MICAL2: variants seen among roughly 807,000 people sequenced by gnomAD.
The protein encoded by MICAL2 is [F-actin]-monooxygenase MICAL2.
Under a neutral mutation model 127.3 loss-of-function variants are expected in MICAL2, and 77 were observed. That is an observed-to-expected ratio of 0.60 (90% CI 0.50 to 0.73). MICAL2 has a LOEUF of 0.73. Ranked by LOEUF, MICAL2 falls within the 30% of genes least tolerant of loss-of-function variation. The pLI is 0.00. For missense variants in MICAL2, 1,351 were observed against 1,434.4 expected, an observed-to-expected ratio of 0.94 and a Z score of 0.94; for synonymous variants, 570 against 551.1, an observed-to-expected ratio of 1.03 and a Z score of -0.48.
chr11:12,354,120 T>G (rs965077297), intron 33 of MICAL2, among the ~76,000 whole-genome samples: 6 of 152,182 alleles, frequency 3.9e-5, no homozygotes, highest in Non-Finnish European at 1.5e-5. Context: ...TTGAGTTCAG[T>G]GTATCTCAGC....
intron 24 of MICAL2, among the ~76,000 whole-genome samples, chr11:12,269,202 A>G (rs1004195631): frequency 1.3e-5 from 2 of 152,118 alleles, no homozygotes; most frequent in African/African-American, 4.8e-5. Flanking sequence ...ACAGGAGGGA[A>G]TGACAGTGGG....
chr11:12,112,417 G>A (rs1478619442), intron 1 of MICAL2, among the ~76,000 whole-genome samples: 2 of 152,086 alleles, frequency 1.3e-5, no homozygotes, highest in Non-Finnish European at 2.9e-5. Flanking sequence ...GTGCTATTTT[G>A]GAAGGAAGCC....
At chr11:12,219,659 A>C (rs1210849656) in intron 8 of MICAL2, among the ~76,000 whole-genome samples, 1 of 152,088 alleles carries the variant, frequency 6.6e-6, no homozygotes, top group African/African-American at 2.4e-5. Flanking sequence ...TGACCACTAA[A>C]CATGGCATAT....
downstream of MICAL2, among the ~76,000 whole-genome samples, chr11:12,267,799 G>A (rs987241377): frequency 2.0e-5 from 3 of 152,062 alleles, no homozygotes; most frequent in African/African-American, 7.2e-5. Context: ...ACAGGGTTTT[G>A]CCAGGCTGTT....
chr11:12,270,838 C>G (rs916677226), intron 24 of MICAL2, among the ~76,000 whole-genome samples: 1 of 152,224 alleles, frequency 6.6e-6, no homozygotes, highest in Non-Finnish European at 1.5e-5. Context: ...TAGCAGCACA[C>G]AGGAGGCCTG....
intron 10 of MICAL2, 36 bp from the exon 11 acceptor site, chr11:12,222,581 A>G (rs775780583): frequency 5.6e-6 from 9 of 1,613,654 alleles, no homozygotes; most frequent in Non-Finnish European, 7.6e-6. Context: ...AGGTGGCAAA[A>G]GTGATCCCTG....
downstream of MICAL2, chr11:12,294,729 C>G: frequency 6.2e-7 from 1 of 1,613,832 alleles, no homozygotes; most frequent in Non-Finnish European, 8.5e-7. Context: ...AAGGTGCTGC[C>G]TGAAGATAGT....
chr11:12,199,257 G>A (rs1006723396), intron 3 of MICAL2, among the ~76,000 whole-genome samples: 2 of 152,104 alleles, frequency 1.3e-5, no homozygotes, highest in Non-Finnish European at 2.9e-5. Context: ...TAGTTGCAAG[G>A]ATGAAACACA....
intron 6 of MICAL2, among the ~76,000 whole-genome samples, chr11:12,210,387 C>A (rs759169676): frequency 1.3e-5 from 2 of 152,202 alleles, no homozygotes; most frequent in African/African-American, 4.8e-5. Flanking sequence ...AGCCTGCCCC[C>A]TCAAGAGCCA....
In MICAL2 at chr11:12,358,213, T is replaced by C. The variant is rs1172261841; in HGVS notation, c.5690-82T>C. 7.2e-6 allele frequency: 10 copies of C among 1,379,690 alleles called. No individual in the cohort carries two copies. In the East Asian group the frequency reaches 1.4e-4, roughly 19 times the overall value. The allele number at this position is 1,379,690 out of a possible 1,614,324, so 85.5% of individuals were successfully genotyped here. ...TAAAATTAAAGGCAGAACAAGTCCA[T>C]AACAATCGAGAATGTCCATGCCAAG... On this transcript the variant is annotated intron_variant, in intron 34 of 34. Transcript: ENST00000646065.
intron 24 of MICAL2, 36 bp from the exon 25 acceptor site, chr11:12,258,431 GA>G: frequency 6.4e-7 from 1 of 1,562,340 alleles, no homozygotes; most frequent in Non-Finnish European, 8.8e-7. Context: ...GTTTACAGGA[GA>G]AAAATTTTTC....
At chr11:12,146,014 G>A (rs920736181) in intron 2 of MICAL2, among the ~76,000 whole-genome samples, 1 of 152,196 alleles carries the variant, frequency 6.6e-6, no homozygotes, top group South Asian at 2.1e-4. Context: ...ATCGTGATGT[G>A]TAGAAAGCTG....
rs1265905645 is a variant in MICAL2 at position 12,168,874 on chromosome 11, G to C, written c.264+6455G>C. On this transcript the variant is annotated intron_variant, in intron 3 of 27. Coordinates refer to ENST00000683283, the MANE Select transcript of MICAL2 (RefSeq NM_001282663.2). ...AGGTGGGAGGATCGCTTGAGCCCAG[G>C]AGGTCAAGGCGGCAGTGAGCTATGA... is the stretch of plus-strand genomic sequence containing the variant. Among the ~76,000 whole-genome samples the C allele has an allele frequency of 5.4e-5, 8 of 149,286 alleles. No individual in the cohort carries two copies. The Admixed American group carries it at 5.4e-4, about 10-fold the overall frequency.
chr11:12,217,485 T>C (rs960151626), intron 8 of MICAL2, among the ~76,000 whole-genome samples: 1 of 152,146 alleles, frequency 6.6e-6, no homozygotes, highest in Non-Finnish European at 1.5e-5. Context: ...CTGCTGACTG[T>C]CAGTCTGGGA....
rs771483605 is a variant in MICAL2 at position 12,256,876 on chromosome 11, G to A, written c.3047G>A (p.Ser1016Asn). Residue 1016 changes from serine (S) to asparagine (N), a missense_variant, in exon 24 of 28, where the codon AGC becomes AAC. Ser to Asn is a conservative substitution (Grantham distance 46). Transcript: ENST00000683283. The stretch of plus-strand genomic sequence containing the variant: ...CGTGTGTACGTGATGGAACGGCTGA[G>A]CGCCGAGGGCCACTTCTTCCACCGG... ...KKRVYVMERL[S>N]AEGHFFHREC... 1.2e-6 allele frequency: 2 copies of A among 1,614,216 alleles called. No homozygotes were observed. Among genetic ancestry groups the A allele is most frequent in the South Asian group, 2.2e-5 (2 of 91,086 alleles).
At chr11:12,231,276 A>G (rs1390145117) in intron 15 of MICAL2, among the ~76,000 whole-genome samples, 1 of 152,252 alleles carries the variant, frequency 6.6e-6, no homozygotes, top group Non-Finnish European at 1.5e-5. Flanking sequence ...AGAAGTTGTT[A>G]CTTGTCCCTG....
At chr11:12,288,784 C>T (rs1199664867), downstream of MICAL2, among the ~76,000 whole-genome samples, 2 of 152,184 alleles carry the variant, frequency 1.3e-5, no homozygotes, top group Non-Finnish European at 2.9e-5. Flanking sequence ...CTAGAGGGCG[C>T]TCCAAGACTT....
chr11:12,354,867 C>T (rs556630863), intron 34 of MICAL2: 1 of 1,612,594 alleles, frequency 6.2e-7, no homozygotes, highest in East Asian at 2.2e-5. Context: ...GGTGAGTATG[C>T]TTGGGCCTTT....
intron 33 of MICAL2, among the ~76,000 whole-genome samples, chr11:12,351,656 G>GTC (rs1442457309): frequency 1.3e-5 from 2 of 152,128 alleles, no homozygotes; most frequent in African/African-American, 4.8e-5. Flanking sequence ...CCTCCCCTGG[G>GTC]GTGAGAGTGA....
Sources: allele counts gnomAD v4.1 joint callset (sites outside exome capture counted in the v4.1 genomes callset), GRCh38; gene constraint gnomAD v4.1.1; transcripts MANE v1.5; gene names NCBI Gene and HGNC (gene_info 2026-07-23, HGNC 2026-07-21).